Variants in ARID1B observed in about 807,000 individuals in gnomAD.
The protein encoded by ARID1B is AT-rich interactive domain-containing protein 1B.
Under a neutral mutation model 212.3 loss-of-function variants are expected in ARID1B, and 30 were observed. The ratio of observed to expected loss-of-function variants is 0.14; its 90% confidence interval spans 0.11 to 0.19. The LOEUF (loss-of-function observed/expected upper bound fraction) is 0.19, where lower values mean the gene tolerates loss of function less well. ARID1B is among the 10% of genes least tolerant of loss of function. The pLI, the probability that ARID1B is intolerant of heterozygous loss-of-function variation, is 1.00. For synonymous variants in ARID1B, 1,402 were observed against 1,301.7 expected (o/e 1.08, Z -1.66); for missense variants, 2,891 against 3,204.0 (o/e 0.90, Z 2.36).
chr6:157,096,603 T>C (rs1265478974), intron 5 of ARID1B, among the ~76,000 whole-genome samples: 3 of 152,246 alleles, frequency 2.0e-5, no homozygotes, highest in Non-Finnish European at 2.9e-5. Context: ...CTCTGTGGCC[T>C]GCACAGCCCT....
intron 4 of ARID1B, among the ~76,000 whole-genome samples, chr6:157,052,243 C>T (rs1782657751): frequency 6.6e-6 from 1 of 152,178 alleles, no homozygotes; most frequent in African/African-American, 2.4e-5. Flanking sequence ...GTTGAATTAT[C>T]TCTAGACAGT....
chr6:157,002,706 C>A (rs1778977016), intron 4 of ARID1B, among the ~76,000 whole-genome samples: 1 of 152,154 alleles, frequency 6.6e-6, no homozygotes, highest in Non-Finnish European at 1.5e-5. Flanking sequence ...TTTCATTCAG[C>A]CCATTTTTGT....
At chr6:157,063,988 G>C (rs1395177041) in intron 4 of ARID1B, among the ~76,000 whole-genome samples, 1 of 152,230 alleles carries the variant, frequency 6.6e-6, no homozygotes, top group Non-Finnish European at 1.5e-5. Context: ...GGAGAGGCCA[G>C]TCTGTGAGGG....
intron 1 of ARID1B, among the ~76,000 whole-genome samples, chr6:156,796,818 G>A (rs760121358): frequency 2.6e-5 from 4 of 152,132 alleles, no homozygotes; most frequent in Admixed American, 6.5e-5. Flanking sequence ...GTGAGATGGT[G>A]GGCTCTGCTA....
At chr6:156,966,390 T>TCTTTTTTCTTTTC (rs1212115905) in intron 4 of ARID1B, among the ~76,000 whole-genome samples, 4 of 131,852 alleles carry the variant, frequency 3.0e-5, no homozygotes, top group African/African-American at 1.1e-4. Context: ...TCTTTTCTTT[T>TCTTTTTTCTTTTC]TTTTTTTTTT....
chr6:157,005,678 C>A (rs775054633), intron 4 of ARID1B, among the ~76,000 whole-genome samples: 1 of 152,186 alleles, frequency 6.6e-6, no homozygotes, highest in African/African-American at 2.4e-5. Context: ...GATCTCCGTT[C>A]TACTCACCAC....
At chr6:156,989,190 T>C (rs1465830594) in intron 4 of ARID1B, among the ~76,000 whole-genome samples, 1 of 152,234 alleles carries the variant, frequency 6.6e-6, no homozygotes, top group Non-Finnish European at 1.5e-5. Context: ...ACTCCCTGGT[T>C]GCTTTGCGAA....
At chr6:156,887,278 A>G (rs1787590921) in intron 2 of ARID1B, among the ~76,000 whole-genome samples, 1 of 152,162 alleles carries the variant, frequency 6.6e-6, no homozygotes, top group African/African-American at 2.4e-5. Flanking sequence ...TTCCCACGGG[A>G]CTGTCTGTTC....
intron 5 of ARID1B, among the ~76,000 whole-genome samples, chr6:157,099,846 CG>C (rs1250878499): frequency 6.6e-6 from 1 of 152,080 alleles, no homozygotes; most frequent in Non-Finnish European, 1.5e-5. Flanking sequence ...GTGAACGGTG[CG>C]TGGGAGCTGT....
intron 4 of ARID1B, among the ~76,000 whole-genome samples, chr6:157,016,289 A>G (rs761732491): frequency 3.3e-5 from 5 of 152,118 alleles, no homozygotes; most frequent in Admixed American, 6.6e-5. Context: ...TCAATACTCA[A>G]TTGCAAATAG....
chr6:157,042,964 A>G (rs1035358561), intron 4 of ARID1B, among the ~76,000 whole-genome samples: 6 of 152,166 alleles, frequency 3.9e-5, no homozygotes, highest in South Asian at 2.1e-4. Context: ...CAAAGGCTAC[A>G]CTTAACTTTA....
chr6:156,849,403 A>T (rs531606490), intron 2 of ARID1B, among the ~76,000 whole-genome samples: 3 of 152,232 alleles, frequency 2.0e-5, no homozygotes, highest in Non-Finnish European at 4.4e-5. Context: ...AAAGTGAGGG[A>T]TAATGTTACA....
At chr6:157,150,535 C>T (rs531955628) in intron 8 of ARID1B, 1 of 161,690 alleles carries the variant, frequency 6.2e-6, no homozygotes, top group South Asian at 2.0e-4. Context: ...TTTTCTCTGC[C>T]TGTCCCCACC....
intron 1 of ARID1B, among the ~76,000 whole-genome samples, chr6:156,796,529 TTA>T (rs1780394761): frequency 6.6e-6 from 1 of 152,140 alleles, no homozygotes; most frequent in African/African-American, 2.4e-5. Flanking sequence ...TCTACTTGTG[TTA>T]TTTCTTTCAG....
chr6:156,843,618 A>T (rs191946299), intron 2 of ARID1B, among the ~76,000 whole-genome samples: 18 of 152,352 alleles, frequency 1.2e-4, no homozygotes, highest in Admixed American at 1.1e-3. Context: ...TAGGCTGTAT[A>T]TGTGAATCCA....
At chr6:156,986,630 G>A (rs558217197) in intron 4 of ARID1B, among the ~76,000 whole-genome samples, 4 of 152,286 alleles carry the variant, frequency 2.6e-5, no homozygotes, top group East Asian at 1.9e-4. Context: ...AGCATTGCCC[G>A]GCTCATAGTA....
At chr6:157,123,218 T>TTCTC (rs1787873930) in intron 6 of ARID1B, among the ~76,000 whole-genome samples, 1 of 109,700 alleles carries the variant, frequency 9.1e-6, no homozygotes, top group African/African-American at 3.7e-5. Flanking sequence ...CAATCTTTCT[T>TTCTC]TCTCTCCCCC....
intron 2 of ARID1B, among the ~76,000 whole-genome samples, chr6:156,899,628 C>T (rs1424198453): frequency 6.6e-6 from 1 of 152,164 alleles, no homozygotes; most frequent in Admixed American, 6.5e-5. Context: ...ACCCTGCAGC[C>T]AAACTTCCTG....
At chr6:156,789,149 G>T (rs1294218148) in intron 1 of ARID1B, among the ~76,000 whole-genome samples, 1 of 152,186 alleles carries the variant, frequency 6.6e-6, no homozygotes, top group Non-Finnish European at 1.5e-5. Context: ...CGTTTGGTCA[G>T]TATTTGCTAT....
Sources: allele counts gnomAD v4.1 joint callset (sites outside exome capture counted in the v4.1 genomes callset), GRCh38; gene constraint gnomAD v4.1.1; transcripts MANE v1.5; gene names NCBI Gene and HGNC (gene_info 2026-07-23, HGNC 2026-07-21).